The following LYN variants were observed in gnomAD, a reference collection of about 807,000 sequenced individuals.
LYN encodes the protein tyrosine-protein kinase Lyn.
A neutral mutation model predicts 65.0 loss-of-function variants in LYN; 12 were observed. The ratio of observed to expected loss-of-function variants is 0.18; its 90% confidence interval spans 0.12 to 0.30. The LOEUF is 0.30. Ranked by LOEUF, LYN falls within the 10% of genes least tolerant of loss-of-function variation. The probability of loss-of-function intolerance (pLI) is 1.00; values close to 1 mark genes in which losing one functional copy is unlikely to be tolerated. For synonymous variants in LYN, 222 were observed against 221.2 expected (o/e 1.00, Z -0.03); for missense variants, 380 against 623.2 (o/e 0.61, Z 4.16).
At chr8:55,912,465 C>T (rs1805663530) in intron 1 of LYN, among the ~76,000 whole-genome samples, 1 of 152,170 alleles carries the variant, frequency 6.6e-6, no homozygotes, top group Non-Finnish European at 1.5e-5. Context: ...GTGGCTTATG[C>T]CTGTAATCCC....
At chr8:55,970,966 C>T (rs1343227254) in intron 10 of LYN, among the ~76,000 whole-genome samples, 3 of 152,160 alleles carry the variant, frequency 2.0e-5, no homozygotes, top group East Asian at 3.9e-4. Context: ...GGCACGGACA[C>T]AAGCACCTCA....
intron 1 of LYN, among the ~76,000 whole-genome samples, chr8:55,894,940 C>T (rs10958474): frequency 0.39 from 59,052 of 151,912 alleles, 12,195 homozygotes; most frequent in East Asian, 0.68. Context: ...GCTTCAGCCT[C>T]CCAAAGTGCT....
At chr8:55,985,753 T>C (rs1473092116) in intron 10 of LYN, among the ~76,000 whole-genome samples, 1 of 152,238 alleles carries the variant, frequency 6.6e-6, no homozygotes, top group Non-Finnish European at 1.5e-5. Context: ...AAGGACTGTT[T>C]AGTGGACCTG....
At chr8:55,939,666 C>CCGGAGCT in intron 1 of LYN, among the ~76,000 whole-genome samples, 2 of 152,308 alleles carry the variant, frequency 1.3e-5, no homozygotes, top group East Asian at 3.9e-4. Flanking sequence ...GGCTCCTGCC[C>CCGGAGCT]CGGAGCTCGC....
At chr8:55,915,081 C>A (rs1006179892) in intron 1 of LYN, among the ~76,000 whole-genome samples, 1 of 152,180 alleles carries the variant, frequency 6.6e-6, no homozygotes, top group African/African-American at 2.4e-5. Flanking sequence ...GGGCTGATGA[C>A]GCTGCTTGTA....
chr8:56,009,912 A>T lies in LYN; in HGVS notation c.1341A>T (p.Arg447Ser). Residue 447 changes from arginine (R) to serine (S), a missense_variant, in exon 13 of 13, where the codon AGA becomes AGT. By Grantham distance (110) the Arg-to-Ser change is moderately radical (BLOSUM62 -1). Coordinates refer to ENST00000519728, the MANE Select transcript of LYN (RefSeq NM_002350.4). ...VTYGKIPYPG[R>S]TNADVMTALS... ...TTTTGTTTTTTTCCACCCTAGGGAGAACTAATGCCGACGTGATGACCGCCC... is the reference window on the plus strand; with the variant it reads ...TTTTGTTTTTTTCCACCCTAGGGAGTACTAATGCCGACGTGATGACCGCCC... The T allele has an allele frequency of 6.2e-7, 1 of 1,613,682 alleles. No homozygotes were observed.
At chr8:55,895,872 G>C (rs1389270604) in intron 1 of LYN, 1 of 152,048 alleles carries the variant, frequency 6.6e-6, no homozygotes, top group African/African-American at 2.4e-5. Context: ...ACTACCCCGA[G>C]CCTTTTCTTG....
chr8:55,890,863 G>C (rs1288844078), intron 1 of LYN, among the ~76,000 whole-genome samples: 2 of 151,926 alleles, frequency 1.3e-5, no homozygotes, highest in Non-Finnish European at 2.9e-5. Flanking sequence ...GAGTAGCTGA[G>C]ACTACAGGTG....
At chr8:55,998,004 A>T (rs954078306) in intron 10 of LYN, among the ~76,000 whole-genome samples, 2 of 152,302 alleles carry the variant, frequency 1.3e-5, no homozygotes, top group South Asian at 4.1e-4. Flanking sequence ...GAATGGTGTG[A>T]ACCCAGGAGG....
intron 8 of LYN, among the ~76,000 whole-genome samples, chr8:55,959,032 G>C (rs57977675): frequency 6.6e-6 from 1 of 152,166 alleles, no homozygotes; most frequent in African/African-American, 2.4e-5. Context: ...AGGAACTGCC[G>C]TACTGTTTTC....
At chr8:55,969,847 G>T (rs376527149) in intron 10 of LYN, 54 bp downstream of exon 10, 33 of 1,419,552 alleles carry the variant, frequency 2.3e-5, no homozygotes, top group Middle Eastern at 1.8e-4. Context: ...ACTTCCCTGC[G>T]TCAAATTCAT....
intron 12 of LYN, among the ~76,000 whole-genome samples, chr8:56,002,831 A>G (rs745702419): frequency 6.6e-6 from 1 of 151,978 alleles, no homozygotes; most frequent in South Asian, 2.1e-4. Flanking sequence ...TAGTCACGAG[A>G]GTTGTATGTT....
At chr8:55,894,375 A>ATT (rs34910040) in intron 1 of LYN, among the ~76,000 whole-genome samples, 55,338 of 144,692 alleles carry the variant, frequency 0.38, 11,088 homozygotes, top group East Asian at 0.67. Flanking sequence ...AACTTTCTTA[A>ATT]TTTTTTTTTT....
Position 56,010,144 on chromosome 8 carries a change from G to T in LYN, c.*34G>T. Reference sequence around the variant, plus strand: ...GAGACCCGTCCATTTGGCAGGGGTGGCTGCCTCATTTAGAGAGGAAAAGTA... The same window carrying T: ...GAGACCCGTCCATTTGGCAGGGGTGTCTGCCTCATTTAGAGAGGAAAAGTA... On this transcript the variant is annotated 3_prime_UTR_variant, in exon 13 of 13. Coordinates refer to ENST00000519728, the MANE Select transcript of LYN (RefSeq NM_002350.4). The T allele has an allele frequency of 1.3e-6, 2 of 1,599,774 alleles. No homozygotes were observed. Among genetic ancestry groups the T allele is most frequent in the Non-Finnish European group, 1.7e-6 (2 of 1,167,414 alleles).
chr8:56,003,525 C>A (rs923904619), intron 12 of LYN, among the ~76,000 whole-genome samples: 1 of 151,944 alleles, frequency 6.6e-6, no homozygotes, highest in African/African-American at 2.4e-5. Flanking sequence ...AAAATTAGCC[C>A]GGCGTGGTGG....
Position 56,006,210 on chromosome 8 carries a change from A to G in LYN, c.1337-3698A>G, listed in dbSNP as rs911346409. Among the ~76,000 whole-genome samples the G allele has an allele frequency of 7.2e-5, 11 of 152,184 alleles. 1 individual carries two copies. The highest frequency in any genetic ancestry group is 1.3e-4 in the Non-Finnish European group (9 of 68,024). ...ATCATGACTTTTCTGGCTGTTTCTG[A>G]CCAGATATATCTAACATCTTAATGC... On this transcript the variant is annotated intron_variant, in intron 12 of 12. Coordinates refer to ENST00000519728, the MANE Select transcript of LYN (RefSeq NM_002350.4).
chr8:55,969,800 T>TA lies in LYN; in HGVS notation c.1050+8dup, dbSNP rs1807561909. 9.3e-6 allele frequency: 15 copies of TA among 1,613,668 alleles called. No homozygotes were observed. The highest frequency in any genetic ancestry group is 1.3e-5 in the African/African-American group (1 of 75,060). ...CATTGACTTTTCTGCTCAGGTAACA[T>TA]ATTCAAAAAGCCCCGTGTGCACGTG... is the stretch of plus-strand genomic sequence containing the variant. On this transcript the variant is annotated splice_region_variant and intron_variant, in intron 10 of 12. Transcript: ENST00000519728.
intron 11 of LYN, 45 bp downstream of exon 11, chr8:55,998,544 A>G: frequency 6.4e-7 from 1 of 1,573,210 alleles, no homozygotes; most frequent in Non-Finnish European, 8.7e-7. Flanking sequence ...ATTGTGTTTT[A>G]TTTTGTTTTT....
intron 10 of LYN, among the ~76,000 whole-genome samples, chr8:55,989,217 G>C (rs1240336595): frequency 6.6e-6 from 1 of 152,308 alleles, no homozygotes; most frequent in African/African-American, 2.4e-5. Flanking sequence ...CTTCTCACTG[G>C]GCCTTTGAGA....
Sources: gnomAD v4.1 joint callset for allele counts (sites outside exome capture counted in the v4.1 genomes callset) on GRCh38, gnomAD v4.1.1 for gene constraint, MANE v1.5 for transcripts, NCBI Gene and HGNC (gene_info 2026-07-23, HGNC 2026-07-21) for gene names.